The following CCDC146 variants were observed in gnomAD, a reference collection of about 807,000 sequenced individuals.
CCDC146 encodes coiled-coil domain-containing protein 146.
A neutral mutation model predicts 119.3 loss-of-function variants in CCDC146; 92 were observed. The observed-to-expected ratio is 0.77, with a 90% CI of 0.65 to 0.92. The LOEUF is 0.92. CCDC146 is among the 40% of genes least tolerant of loss of function. The probability of loss-of-function intolerance (pLI) is 0.00; values close to 1 mark genes in which losing one functional copy is unlikely to be tolerated. For synonymous variants in CCDC146, 372 were observed against 371.8 expected (o/e 1.00, Z -0.01); for missense variants, 1,000 against 1,103.0 (o/e 0.91, Z 1.32).
chr7:77,273,614 G>A (rs1298364699), intron 9 of CCDC146, 80 bp from the exon 10 acceptor site: 8 of 1,006,576 alleles, frequency 7.9e-6, no homozygotes, highest in East Asian at 5.3e-5. Flanking sequence ...TCTGCCTCCC[G>A]GGTTCAAGCA....
At chr7:77,237,050 G>A in intron 3 of CCDC146, 21 bp downstream of exon 3, 5 of 1,589,174 alleles carry the variant, frequency 3.1e-6, no homozygotes, top group Non-Finnish European at 4.3e-6. Flanking sequence ...TACCAATATG[G>A]AGACATGATT....
intron 1 of CCDC146, among the ~76,000 whole-genome samples, chr7:77,146,740 C>A (rs1791026765): frequency 6.6e-6 from 1 of 152,212 alleles, no homozygotes; most frequent in African/African-American, 2.4e-5. Context: ...TATTGGCCCC[C>A]ACTAACTTCT....
intron 2 of CCDC146, among the ~76,000 whole-genome samples, chr7:77,170,078 G>C (rs568552652): frequency 2.8e-4 from 43 of 152,172 alleles, no homozygotes; most frequent in African/African-American, 9.9e-4. Context: ...TTGCATCCAG[G>C]TGGTAAGCCT....
chr7:77,211,290 C>T (rs1446256779), intron 2 of CCDC146, among the ~76,000 whole-genome samples: 1 of 152,072 alleles, frequency 6.6e-6, no homozygotes, highest in Non-Finnish European at 1.5e-5. Flanking sequence ...TTTTGCTGTG[C>T]CTGTTTTTTA....
Position 77,261,768 on chromosome 7 carries a change from C to T in CCDC146, c.987-353C>T, listed in dbSNP as rs574793305. On this transcript the variant is annotated intron_variant, in intron 8 of 18. Coordinates refer to ENST00000285871, the MANE Select transcript of CCDC146 (RefSeq NM_020879.3). ...CTGGGATTACAGGCGTGAGCCACCG[C>T]GCCCAGCCCTCATTCTTTTTTATGG... 1.9e-3 allele frequency among the ~76,000 whole-genome samples: 283 copies of T among 152,342 alleles called. 3 individuals carry two copies. The highest frequency in any genetic ancestry group is 6.5e-3 in the African/African-American group (270 of 41,578).
At chr7:77,140,097 G>A (rs1790912398) in intron 1 of CCDC146, among the ~76,000 whole-genome samples, 1 of 151,852 alleles carries the variant, frequency 6.6e-6, no homozygotes, top group African/African-American at 2.4e-5. Flanking sequence ...GTTTCACCAT[G>A]TTGGCCAGGC....
chr7:77,173,344 T>C (rs1791454099), intron 2 of CCDC146, among the ~76,000 whole-genome samples: 1 of 152,086 alleles, frequency 6.6e-6, no homozygotes, highest in Non-Finnish European at 1.5e-5. Context: ...AAGTGATGCT[T>C]GGGGCTGGGC....
At position 77,292,942 on chromosome 7, in the gene CCDC146, T is replaced by G. The variant is rs1244680237; in HGVS notation, c.2416-10T>G. The G allele has an allele frequency of 3.7e-6, 6 of 1,612,282 alleles. No homozygotes were observed. The highest frequency in any genetic ancestry group is 5.1e-6 in the Non-Finnish European group (6 of 1,179,744). On this transcript the variant is annotated splice_polypyrimidine_tract_variant and intron_variant, in intron 17 of 18. Transcript: ENST00000285871. Reference sequence around the variant, plus strand: ...ATACATAGACTAAGCTTTGGGCTCTTTAATTCTAGATGAATGGCTATCAAA... The same window carrying G: ...ATACATAGACTAAGCTTTGGGCTCTGTAATTCTAGATGAATGGCTATCAAA...
intron 11 of CCDC146, among the ~76,000 whole-genome samples, chr7:77,274,961 G>T (rs1053644455): frequency 6.6e-6 from 1 of 150,876 alleles, no homozygotes; most frequent in African/African-American, 2.4e-5. Flanking sequence ...ACACCAACAT[G>T]GCACATGTAT....
At chr7:77,129,192 C>T (rs1158621754) in intron 1 of CCDC146, among the ~76,000 whole-genome samples, 1 of 152,118 alleles carries the variant, frequency 6.6e-6, no homozygotes, top group Admixed American at 6.5e-5. Context: ...TGAAATCTTG[C>T]ACTGTCTCAC....
chr7:77,155,840 A>G (rs1791170945), intron 1 of CCDC146, among the ~76,000 whole-genome samples: 1 of 152,162 alleles, frequency 6.6e-6, no homozygotes, highest in South Asian at 2.1e-4. Context: ...TGCCTCATGT[A>G]AGGTGCTGCC....
chr7:77,292,765 TAC>T (rs1793973035), intron 17 of CCDC146, among the ~76,000 whole-genome samples, 185 bp from the exon 18 acceptor site: 1 of 152,182 alleles, frequency 6.6e-6, no homozygotes, highest in African/African-American at 2.4e-5. Flanking sequence ...TGTCCTTACT[TAC>T]ACAGCCAGGG....
At chr7:77,276,859 T>C (rs1357909147) in intron 11 of CCDC146, among the ~76,000 whole-genome samples, 1 of 152,082 alleles carries the variant, frequency 6.6e-6, no homozygotes, top group Non-Finnish European at 1.5e-5. Context: ...TCACCTGAGG[T>C]CAGGAGTTCA....
chr7:77,159,717 A>G (rs1791230401), intron 1 of CCDC146, among the ~76,000 whole-genome samples: 1 of 152,212 alleles, frequency 6.6e-6, no homozygotes, highest in Non-Finnish European at 1.5e-5. Context: ...ACTGTTTTCT[A>G]TAATGGTTTA....
intron 1 of CCDC146, among the ~76,000 whole-genome samples, chr7:77,136,458 G>T (rs1425400536): frequency 1.3e-5 from 2 of 152,014 alleles, no homozygotes; most frequent in Non-Finnish European, 2.9e-5. Flanking sequence ...CAGATCTCAT[G>T]GACATTAGAA....
chr7:77,144,716 C>T (rs1239581228), intron 1 of CCDC146, among the ~76,000 whole-genome samples: 2 of 151,766 alleles, frequency 1.3e-5, no homozygotes, highest in African/African-American at 2.4e-5. Flanking sequence ...TGTTGGATTA[C>T]ATTTATTGAT....
At chr7:77,162,339 G>A (rs1255932108) in intron 1 of CCDC146, among the ~76,000 whole-genome samples, 1 of 151,916 alleles carries the variant, frequency 6.6e-6, no homozygotes, top group Non-Finnish European at 1.5e-5. Flanking sequence ...GTAAAACAAG[G>A]GCCTGATTTC....
At chr7:77,291,909 A>G (rs1202715988) in intron 17 of CCDC146, among the ~76,000 whole-genome samples, 1 of 152,220 alleles carries the variant, frequency 6.6e-6, no homozygotes, top group African/African-American at 2.4e-5. Flanking sequence ...TGATTATCTT[A>G]TATAAGCAAA....
chr7:77,206,684 C>T lies in CCDC146; in HGVS notation c.157-30263C>T, dbSNP rs181745004. 1.4e-3 allele frequency among the ~76,000 whole-genome samples: 216 copies of T among 150,328 alleles called. 1 individual carries two copies. Among genetic ancestry groups the T allele is most frequent in the African/African-American group, 5.0e-3 (206 of 41,060 alleles). ...ATATATATATATATACACACACACACACACACATACATATACACACATGAA... is the reference window on the plus strand; with the variant it reads ...ATATATATATATATACACACACACATACACACATACATATACACACATGAA... On this transcript the variant is annotated intron_variant, in intron 2 of 18. Coordinates refer to ENST00000285871, the MANE Select transcript of CCDC146 (RefSeq NM_020879.3).
Sources: allele counts gnomAD v4.1 joint callset (sites outside exome capture counted in the v4.1 genomes callset), GRCh38; gene constraint gnomAD v4.1.1; transcripts MANE v1.5; gene names NCBI Gene and HGNC (gene_info 2026-07-23, HGNC 2026-07-21).